Variants in SYN3 observed in about 807,000 individuals in gnomAD.
The protein encoded by SYN3 is synapsin III, also known as synapsin-3.
A neutral mutation model predicts 65.8 loss-of-function variants in SYN3; 35 were observed. That is an observed-to-expected ratio of 0.53 (90% CI 0.41 to 0.70). The LOEUF is 0.70. Ranked by LOEUF, SYN3 falls within the 30% of genes least tolerant of loss-of-function variation. The probability of loss-of-function intolerance (pLI) is 0.00; values close to 1 mark genes in which losing one functional copy is unlikely to be tolerated. For missense variants in SYN3, 680 were observed against 749.0 expected (o/e 0.91, Z 1.08); for synonymous variants, 270 against 292.9 (o/e 0.92, Z 0.80).
intron 6 of SYN3, among the ~76,000 whole-genome samples, chr22:32,664,453 ATTATTTT>A (rs1179887506): frequency 6.6e-6 from 1 of 151,450 alleles, no homozygotes; most frequent in Non-Finnish European, 1.5e-5. Context: ...TTATTTATTT[ATTATTTT>A]TTATTTCCAT....
At chr22:32,567,549 T>C (rs1280622962) in intron 7 of SYN3, among the ~76,000 whole-genome samples, 1 of 152,180 alleles carries the variant, frequency 6.6e-6, no homozygotes, top group East Asian at 1.9e-4. Flanking sequence ...AAAAGGGTTA[T>C]GTATTGGGCC....
chr22:32,627,339 G>T (rs2059682632), intron 6 of SYN3, among the ~76,000 whole-genome samples: 2 of 152,144 alleles, frequency 1.3e-5, no homozygotes, highest in African/African-American at 2.4e-5. Flanking sequence ...CAGATGACTT[G>T]CTTTGCAAAG....
chr22:32,581,983 A>T (rs1249239165), intron 7 of SYN3, among the ~76,000 whole-genome samples: 1 of 151,688 alleles, frequency 6.6e-6, no homozygotes, highest in Non-Finnish European at 1.5e-5. Context: ...TATTTTTAGT[A>T]GAGATGGGTT....
At chr22:33,055,744 T>C (rs574975746) in intron 1 of SYN3, among the ~76,000 whole-genome samples, 7 of 152,362 alleles carry the variant, frequency 4.6e-5, no homozygotes, top group African/African-American at 1.7e-4. Flanking sequence ...ACAAAGAGCC[T>C]GTTATTCTCT....
At chr22:32,604,574 G>A (rs1249782930) in intron 6 of SYN3, among the ~76,000 whole-genome samples, 4 of 141,782 alleles carry the variant, frequency 2.8e-5, no homozygotes, top group South Asian at 2.3e-4. Context: ...GGCCAGTCCC[G>A]TCTCATACTC....
At chr22:32,994,211 GC>G (rs1473286394) in intron 2 of SYN3, among the ~76,000 whole-genome samples, 1 of 152,128 alleles carries the variant, frequency 6.6e-6, no homozygotes, top group African/African-American at 2.4e-5. Context: ...AAGGGGCCGG[GC>G]CTGGGAAAAC....
intron 6 of SYN3, among the ~76,000 whole-genome samples, chr22:32,811,996 G>A (rs1192560459): frequency 6.6e-6 from 1 of 152,194 alleles, no homozygotes; most frequent in Non-Finnish European, 1.5e-5. Context: ...GGTGCAGTGT[G>A]GCATGGAGGA....
chr22:32,990,062 C>A (rs1164641194), intron 2 of SYN3, among the ~76,000 whole-genome samples: 3 of 152,056 alleles, frequency 2.0e-5, no homozygotes, highest in Non-Finnish European at 4.4e-5. Flanking sequence ...AGGTAATATA[C>A]TAAAAAGTAA....
At chr22:32,539,297 C>T (rs2058215125) in intron 8 of SYN3, among the ~76,000 whole-genome samples, 1 of 139,804 alleles carries the variant, frequency 7.2e-6, no homozygotes, top group South Asian at 2.6e-4. Context: ...TGGGCACATA[C>T]ACTGAGATGG....
chr22:32,708,964 A>G (rs919306904), intron 6 of SYN3, among the ~76,000 whole-genome samples: 4 of 152,110 alleles, frequency 2.6e-5, no homozygotes, highest in African/African-American at 9.7e-5. Flanking sequence ...CCTGGCATGG[A>G]AGAGAGAATC....
At chr22:32,593,018 C>T (rs1261684126) in intron 7 of SYN3, among the ~76,000 whole-genome samples, 3 of 152,180 alleles carry the variant, frequency 2.0e-5, no homozygotes, top group South Asian at 2.1e-4. Flanking sequence ...CTTCTAGGAA[C>T]GTTCTCTTTG....
chr22:32,596,464 G>A (rs2059201510), intron 7 of SYN3, among the ~76,000 whole-genome samples: 1 of 152,200 alleles, frequency 6.6e-6, no homozygotes, highest in East Asian at 1.9e-4. Flanking sequence ...GATTTGGCAA[G>A]GATGGACTGA....
At chr22:32,932,397 A>G (rs1464257252) in intron 3 of SYN3, among the ~76,000 whole-genome samples, 1 of 150,974 alleles carries the variant, frequency 6.6e-6, no homozygotes, top group African/African-American at 2.4e-5. Context: ...AGAATGAGAT[A>G]CTCTTCCCTG....
At chr22:32,676,524 CTTTCT>C (rs2060444434) in intron 6 of SYN3, among the ~76,000 whole-genome samples, 1 of 108,544 alleles carries the variant, frequency 9.2e-6, no homozygotes, top group Non-Finnish European at 1.9e-5. Flanking sequence ...CTTTTCTTTT[CTTTCT>C]TTTTTTTTTT....
intron 6 of SYN3, among the ~76,000 whole-genome samples, chr22:32,830,278 T>C (rs1281885309): frequency 6.6e-6 from 1 of 152,214 alleles, no homozygotes; most frequent in Non-Finnish European, 1.5e-5. Context: ...GTGGTTACTT[T>C]GCACCAGGCA....
At chr22:32,940,890 A>G (rs989596855) in intron 3 of SYN3, among the ~76,000 whole-genome samples, 1 of 152,190 alleles carries the variant, frequency 6.6e-6, no homozygotes, top group African/African-American at 2.4e-5. Flanking sequence ...TACTGATCAG[A>G]AAAAAAGTTG....
intron 2 of SYN3, among the ~76,000 whole-genome samples, chr22:33,004,202 AC>A (rs2053140308): frequency 6.6e-6 from 1 of 152,248 alleles, no homozygotes; most frequent in African/African-American, 2.4e-5. Context: ...GAGCCCCCAC[AC>A]AGAGTCCCCA....
Position 32,508,440 on chromosome 22 carries a change from A to G in SYN3, c.*5252T>C, listed in dbSNP as rs2057656086. 6.6e-6 allele frequency among the ~76,000 whole-genome samples: 1 copy of G among 152,110 alleles called. No individual in the cohort carries two copies. Among genetic ancestry groups the G allele is most frequent in the South Asian group, 2.1e-4 (1 of 4,816 alleles). Reference sequence around the variant, plus strand: ...CTCATCCGGCCTGCACCCAGGTGAAATAAACAGCCATGTTGCTCACACAAA... The same window carrying G: ...CTCATCCGGCCTGCACCCAGGTGAAGTAAACAGCCATGTTGCTCACACAAA... On this transcript the variant is annotated 3_prime_UTR_variant, in exon 14 of 14. Transcript: ENST00000358763.
At chr22:32,865,648 C>T (rs1035948338) in intron 5 of SYN3, among the ~76,000 whole-genome samples, 3 of 152,202 alleles carry the variant, frequency 2.0e-5, no homozygotes, top group African/African-American at 7.2e-5. Context: ...GCTCAAGCCA[C>T]ATCCCTTCCC....
Sources: allele counts gnomAD v4.1 joint callset (sites outside exome capture counted in the v4.1 genomes callset), GRCh38; gene constraint gnomAD v4.1.1; transcripts MANE v1.5; gene names NCBI Gene and HGNC (gene_info 2026-07-23, HGNC 2026-07-21).